TNIK: variants seen among roughly 807,000 people sequenced by gnomAD.
The protein encoded by TNIK is TRAF2 and NCK interacting kinase, also known as TRAF2 and NCK-interacting protein kinase.
TNIK carries 49 observed loss-of-function variants against 191.3 expected under a neutral mutation model. The observed-to-expected ratio is 0.26, with a 90% CI of 0.20 to 0.32. TNIK has a LOEUF of 0.32. Ranked by LOEUF, TNIK falls within the 10% of genes least tolerant of loss-of-function variation. TNIK has a pLI of 1.00. For synonymous variants in TNIK, 594 were observed against 600.9 expected, an observed-to-expected ratio of 0.99 and a Z score of 0.17; for missense variants, 1,155 against 1,702.3, an observed-to-expected ratio of 0.68 and a Z score of 5.66.
rs575895423 is a variant in TNIK, at chr3:171,456,696, C to T, written c.57+3311G>A. 2.0e-5 allele frequency among the ~76,000 whole-genome samples: 3 copies of T among 152,292 alleles called. No homozygotes were observed. In the East Asian group the frequency reaches 5.8e-4, roughly 29 times the overall value. On this transcript the variant is annotated intron_variant, in intron 1 of 32. Transcript: ENST00000436636. ...GATGAATTCCAAAGGTGGCCTAGAG[C>T]TCCATGGTTTCATGTATCACAAGCT... is the stretch of plus-strand genomic sequence containing the variant.
At chr3:171,238,176 C>T (rs1311028767) in intron 2 of TNIK, among the ~76,000 whole-genome samples, 1 of 152,114 alleles carries the variant, frequency 6.6e-6, no homozygotes, top group Non-Finnish European at 1.5e-5. Flanking sequence ...CATTAGAAAA[C>T]TGAAAGTTGT....
intron 1 of TNIK, among the ~76,000 whole-genome samples, chr3:171,418,817 T>C (rs547473602): frequency 7.9e-5 from 12 of 152,296 alleles, no homozygotes; most frequent in South Asian, 2.1e-4. Context: ...TAGGTATTAG[T>C]CTGCTAGAGT....
At chr3:171,296,446 G>A (rs1438900122) in intron 2 of TNIK, among the ~76,000 whole-genome samples, 1 of 152,120 alleles carries the variant, frequency 6.6e-6, no homozygotes, top group Non-Finnish European at 1.5e-5. Context: ...GATAATGTCT[G>A]CTTGCTTGTT....
At chr3:171,149,572 A>G (rs961052079) in intron 12 of TNIK, among the ~76,000 whole-genome samples, 1 of 152,200 alleles carries the variant, frequency 6.6e-6, no homozygotes, top group African/African-American at 2.4e-5. Flanking sequence ...GTAAGTTAGA[A>G]CAAGAAGCCC....
intron 2 of TNIK, among the ~76,000 whole-genome samples, chr3:171,252,193 G>A (rs1746319097): frequency 6.6e-6 from 1 of 152,174 alleles, no homozygotes; most frequent in Admixed American, 6.5e-5. Flanking sequence ...CAGTTTGTGG[G>A]TGAGAAAATG....
intron 1 of TNIK, among the ~76,000 whole-genome samples, chr3:171,407,827 G>A (rs182077994): frequency 1.3e-5 from 2 of 152,226 alleles, no homozygotes; most frequent in Admixed American, 6.5e-5. Flanking sequence ...ATCTCATCAG[G>A]CTCATTCAAG....
intron 2 of TNIK, among the ~76,000 whole-genome samples, chr3:171,265,423 G>A (rs530166674): frequency 2.4e-4 from 36 of 152,300 alleles, no homozygotes; most frequent in Non-Finnish European, 4.3e-4. Flanking sequence ...CAGGCTAGAA[G>A]AGCCTTCTCA....
intron 17 of TNIK, among the ~76,000 whole-genome samples, chr3:171,124,588 T>C (rs943064097): frequency 2.2e-4 from 34 of 152,246 alleles, no homozygotes; most frequent in Admixed American, 1.6e-3. Context: ...CAGTGTAAAG[T>C]GTCATCCTTT....
chr3:171,109,355 C>T (rs1725486919), intron 19 of TNIK, among the ~76,000 whole-genome samples: 1 of 152,126 alleles, frequency 6.6e-6, no homozygotes, highest in African/African-American at 2.4e-5. Flanking sequence ...ATTTATATTT[C>T]GATCAAGGCA....
In TNIK at chr3:171,259,338, A is replaced by G. The variant is rs115073804; in HGVS notation, c.124-31117T>C. Among the ~76,000 whole-genome samples, 783 of 152,286 alleles carry G rather than the reference A, an allele frequency of 5.1e-3. 4 individuals carry two copies. The highest frequency in any genetic ancestry group is 0.018 in the African/African-American group (759 of 41,556). On this transcript the variant is annotated intron_variant, in intron 2 of 32. Coordinates refer to ENST00000436636, the MANE Select transcript of TNIK (RefSeq NM_015028.4). ...TAGGAACGCACCCACGGCTGATGGG[A>G]TAAGACTCAGGTTTTAGGGTTAAGT...
At chr3:171,305,566 C>A (rs942636513) in intron 2 of TNIK, among the ~76,000 whole-genome samples, 4 of 152,134 alleles carry the variant, frequency 2.6e-5, no homozygotes, top group African/African-American at 9.7e-5. Flanking sequence ...CATGAAAAGA[C>A]ACTTTTCAAA....
At chr3:171,087,302 G>T (rs1442614123) in intron 24 of TNIK, 40 bp downstream of exon 24, 2 of 1,610,494 alleles carry the variant, frequency 1.2e-6, no homozygotes, top group Non-Finnish European at 1.7e-6. Flanking sequence ...CCCCAGGAAG[G>T]ACAGCAGAAC....
intron 3 of TNIK, among the ~76,000 whole-genome samples, chr3:171,223,672 G>C (rs943623506): frequency 6.6e-6 from 1 of 152,088 alleles, no homozygotes; most frequent in Non-Finnish European, 1.5e-5. Context: ...TGCTTGGTTA[G>C]CTGCTGAAAG....
chr3:171,093,783 T>C, intron 23 of TNIK, 56 bp downstream of exon 23: 1 of 1,599,854 alleles, frequency 6.3e-7, no homozygotes, highest in Non-Finnish European at 8.5e-7. Context: ...AAAGCTTTAA[T>C]GTAAAAACCA....
chr3:171,459,706 A>ACACACG (rs1553784811), intron 1 of TNIK, among the ~76,000 whole-genome samples: 2 of 150,266 alleles, frequency 1.3e-5, no homozygotes, highest in Non-Finnish European at 3.0e-5. Flanking sequence ...ACACACACGC[A>ACACACG]CACACGCCTT....
At chr3:171,072,116 G>A (rs1432224998) in intron 28 of TNIK, among the ~76,000 whole-genome samples, 1 of 152,110 alleles carries the variant, frequency 6.6e-6, no homozygotes, top group Non-Finnish European at 1.5e-5. Flanking sequence ...TGATGACCTT[G>A]AGAAATTGAA....
intron 7 of TNIK, among the ~76,000 whole-genome samples, chr3:171,177,891 G>T (rs1736149765): frequency 6.6e-6 from 1 of 152,154 alleles, no homozygotes; most frequent in Non-Finnish European, 1.5e-5. Flanking sequence ...GGCAACCAAT[G>T]ATCTGCTTTC....
rs533404219 is a variant in TNIK at position 171,181,150 on chromosome 3, GC to G, written c.640-3771del. On this transcript the variant is annotated intron_variant, in intron 7 of 32. Coordinates refer to ENST00000436636, the MANE Select transcript of TNIK (RefSeq NM_015028.4). ...AGCCACTACACCCAGCTGAGAATAG[GC>G]TTTTAAGACAGGCAGATCCGAATTC... is the stretch of plus-strand genomic sequence containing the variant. Among the ~76,000 whole-genome samples the G allele has an allele frequency of 2.0e-5, 3 of 152,190 alleles. No homozygotes were observed. The South Asian group carries it at 6.2e-4, about 32-fold the overall frequency.
At chr3:171,438,082 A>T (rs988425580) in intron 1 of TNIK, among the ~76,000 whole-genome samples, 2 of 152,186 alleles carry the variant, frequency 1.3e-5, no homozygotes, top group Middle Eastern at 6.3e-3. Flanking sequence ...CGCCAATAAA[A>T]ATTCACCTGT....
Sources: allele counts gnomAD v4.1 joint callset (sites outside exome capture counted in the v4.1 genomes callset), GRCh38; gene constraint gnomAD v4.1.1; transcripts MANE v1.5; gene names NCBI Gene and HGNC (gene_info 2026-07-23, HGNC 2026-07-21).